CPAP: variants seen among roughly 807,000 people sequenced by gnomAD.
CPAP encodes the protein centrosomal P4.1-associated protein.
chr13:24,912,979 A>C, the CPAP span: 1 of 1,614,186 alleles, frequency 6.2e-7, no homozygotes. Flanking sequence ...CTGGGTTAGG[A>C]AGTTCTGCCC....
chr13:24,915,882 C>A, the CPAP span, among the ~76,000 whole-genome samples: 1 of 152,046 alleles, frequency 6.6e-6, no homozygotes, highest in Admixed American at 6.6e-5. Flanking sequence ...GAAAGTGTTT[C>A]GAGGAGGAAA....
the CPAP span, among the ~76,000 whole-genome samples, chr13:24,922,279 C>T: frequency 6.6e-6 from 1 of 152,164 alleles, no homozygotes; most frequent in Admixed American, 6.5e-5. Flanking sequence ...CACTCTTAGA[C>T]CGTGAGAAGT....
chr13:24,902,835 G>A, the CPAP span, among the ~76,000 whole-genome samples: 4 of 152,128 alleles, frequency 2.6e-5, no homozygotes, highest in African/African-American at 9.7e-5. Flanking sequence ...CATTTGCATA[G>A]CAGCTACCAT....
At chr13:24,884,339 A>T in the CPAP span, 103 of 1,614,084 alleles carry the variant, frequency 6.4e-5, no homozygotes, top group South Asian at 3.3e-4. Flanking sequence ...TTGGTCTGGC[A>T]TGACCTGCTT....
chr13:24,906,152 T>A, the CPAP span: 1 of 1,613,776 alleles, frequency 6.2e-7, no homozygotes, highest in Non-Finnish European at 8.5e-7. Flanking sequence ...ACTAATGGGA[T>A]CTGCCGGATT....
the CPAP span, among the ~76,000 whole-genome samples, chr13:24,911,411 A>G: frequency 1.3e-5 from 2 of 152,160 alleles, no homozygotes; most frequent in African/African-American, 2.4e-5. Flanking sequence ...TATCTTTGGT[A>G]TGGTTCTTCA....
chr13:24,919,108 G>A, the CPAP span, among the ~76,000 whole-genome samples: 246 of 152,308 alleles, frequency 1.6e-3, 1 homozygote, highest in African/African-American at 2.9e-3. Flanking sequence ...TAGGTTATCT[G>A]AGTTGAGGAA....
At chr13:24,911,252 A>G in the CPAP span, among the ~76,000 whole-genome samples, 12 of 152,184 alleles carry the variant, frequency 7.9e-5, no homozygotes, top group African/African-American at 2.9e-4. Flanking sequence ...ACGATTTTAA[A>G]CATTTTTACT....
chr13:24,909,999 G>A, the CPAP span: 396 of 1,614,122 alleles, frequency 2.5e-4, no homozygotes, highest in African/African-American at 4.3e-3. Context: ...GACATATGAT[G>A]GGAAGCAGCA....
the CPAP span, among the ~76,000 whole-genome samples, chr13:24,929,630 G>A: frequency 6.6e-6 from 1 of 152,222 alleles, no homozygotes; most frequent in African/African-American, 2.4e-5. Flanking sequence ...AGTTCATTGA[G>A]CTTATTAGAA....
the CPAP span, chr13:24,924,706 C>T: frequency 2.0e-5 from 3 of 152,166 alleles, no homozygotes; most frequent in African/African-American, 7.2e-5. Flanking sequence ...GCCAGATTAC[C>T]CGTTCTGATA....
the CPAP span, among the ~76,000 whole-genome samples, chr13:24,915,635 C>T: frequency 6.6e-6 from 1 of 152,130 alleles, no homozygotes; most frequent in African/African-American, 2.4e-5. Flanking sequence ...GAAACCCCAT[C>T]TCTACTAAAA....
the CPAP span, chr13:24,889,342 T>A: frequency 6.2e-7 from 1 of 1,611,964 alleles, no homozygotes; most frequent in Admixed American, 1.7e-5. Context: ...ATTTTTCTTG[T>A]ATTTTTCTAC....
the CPAP span, chr13:24,885,776 A>G: frequency 1.2e-6 from 1 of 804,586 alleles, no homozygotes; most frequent in South Asian, 1.5e-5. Flanking sequence ...GCTGTCCTTT[A>G]TCCATTAGTT....
chr13:24,909,016 G>GAT, the CPAP span, among the ~76,000 whole-genome samples: 1 of 152,012 alleles, frequency 6.6e-6, no homozygotes, highest in African/African-American at 2.4e-5. Flanking sequence ...ACATGTAAAA[G>GAT]ATATATATAC....
the CPAP span, chr13:24,905,863 GA>G: frequency 1.2e-6 from 2 of 1,614,016 alleles, no homozygotes; most frequent in Admixed American, 3.3e-5. Flanking sequence ...CTCTGCTGCT[GA>G]TGCCCCTCTC....
chr13:24,915,518 A>G, the CPAP span, among the ~76,000 whole-genome samples: 2 of 152,114 alleles, frequency 1.3e-5, no homozygotes, highest in Non-Finnish European at 2.9e-5. Flanking sequence ...AAAAGAGAGG[A>G]GGCGGCTGGG....
chr13:24,886,254 G>A, the CPAP span: 2 of 1,220,728 alleles, frequency 1.6e-6, no homozygotes, highest in African/African-American at 3.1e-5. Flanking sequence ...TCTCGAGCAA[G>A]TGCCAGAATC....
the CPAP span, among the ~76,000 whole-genome samples, chr13:24,888,375 C>T: frequency 6.6e-6 from 1 of 152,120 alleles, no homozygotes; most frequent in Non-Finnish European, 1.5e-5. Context: ...CACACACACA[C>T]ATCCAAAATT....
Sources: allele counts gnomAD v4.1 joint callset (sites outside exome capture counted in the v4.1 genomes callset), GRCh38; gene constraint gnomAD v4.1.1; transcripts MANE v1.5; gene names NCBI Gene and HGNC (gene_info 2026-07-23, HGNC 2026-07-21).